USF3: variants seen among roughly 807,000 people sequenced by gnomAD.
The protein encoded by USF3 is upstream transcription factor family member 3, also known as basic helix-loop-helix domain-containing protein USF3.
In USF3, 29 loss-of-function variants were observed where a neutral mutation model predicts 157.5. That is an observed-to-expected ratio of 0.18 (90% CI 0.14 to 0.25). The LOEUF (loss-of-function observed/expected upper bound fraction) is 0.25, where lower values mean the gene tolerates loss of function less well. USF3 is among the 10% of genes least tolerant of loss of function. The pLI is 1.00. For synonymous variants in USF3, 893 were observed against 941.4 expected, an observed-to-expected ratio of 0.95 and a Z score of 0.94; for missense variants, 2,381 against 2,667.6, an observed-to-expected ratio of 0.89 and a Z score of 2.37.
intron 1 of USF3, among the ~76,000 whole-genome samples, chr3:113,687,295 G>A (rs1707579986): frequency 6.7e-6 from 1 of 148,888 alleles, no homozygotes; most frequent in Non-Finnish European, 1.5e-5. Flanking sequence ...TTACTTTTTG[G>A]TACTACAAGA....
rs760704482 is a variant in USF3, at chr3:113,660,045, G to T, written c.1637C>A (p.Ala546Asp). The T allele has an allele frequency of 6.2e-7, 1 of 1,614,146 alleles. No homozygotes were observed. Reference sequence around the variant, plus strand: ...AATTATAACATTTTGATTAGTTGGAGCTGAATTAACAGCTGACCCAACTGG... The same window carrying T: ...AATTATAACATTTTGATTAGTTGGATCTGAATTAACAGCTGACCCAACTGG... ...AQPVGSAVNS[A>D]PTNQNVIILQ... The change falls in exon 7 of 7, where the codon GCT (alanine) becomes GAT (aspartate). Residue 546 changes from alanine (A) to aspartate (D), a missense_variant. Ala to Asp is a moderately radical substitution (Grantham distance 126). Coordinates refer to ENST00000316407, the MANE Select transcript of USF3 (RefSeq NM_001009899.4).
In USF3 at chr3:113,659,237, A is replaced by G. The variant is rs756794311; in HGVS notation, c.2445T>C (p.Asn815=). The G allele has an allele frequency of 1.2e-6, 2 of 1,614,144 alleles. No individual in the cohort carries two copies. The highest frequency in any genetic ancestry group is 4.5e-5 in the East Asian group (2 of 44,882). The change falls in exon 7 of 7, where the codon AAT becomes AAC. Residue 815 remains asparagine (N), a synonymous_variant. Transcript: ENST00000316407. ...CTAACTTGCTCACATCTCTGACTGAATTCAGGGGACACGCTGACTTGTTTG... is the reference window on the plus strand; with the variant it reads ...CTAACTTGCTCACATCTCTGACTGAGTTCAGGGGACACGCTGACTTGTTTG... ...LAANKSACPL[N]SVRDVSKLDC... is the part of the protein sequence containing the mutation.
chr3:113,686,916 T>C (rs1707562362), intron 1 of USF3, among the ~76,000 whole-genome samples: 1 of 152,228 alleles, frequency 6.6e-6, no homozygotes, highest in Admixed American at 6.5e-5. Context: ...ATTTCTATAT[T>C]ACTATTTTCC....
At position 113,656,851 on chromosome 3, in the gene USF3, G is replaced by C; in HGVS notation, c.4831C>G (p.Gln1611Glu). ...TCAGATGAAACCCCTGAACCTTGCT[G>C]TCTGCTTCCAACATCCTGCTGTTGG... ...MHQQQDVGSR[Q>E]QGSGVSSEHV... is the part of the protein sequence containing the mutation. The change falls in exon 7 of 7, where the codon CAG (glutamine) becomes GAG (glutamate). Residue 1611 changes from glutamine (Q) to glutamate (E), a missense_variant. By Grantham distance (29) the Gln-to-Glu change is conservative. Around this residue, in one of 6 missense-constraint regions of USF3, gnomAD observed 770 missense variants for 824.2 expected, o/e 0.93. Transcript: ENST00000316407. The C allele has an allele frequency of 6.2e-7, 1 of 1,614,234 alleles. No homozygotes were observed. Among genetic ancestry groups the C allele is most frequent in the Non-Finnish European group, 8.5e-7 (1 of 1,180,030 alleles).
chr3:113,674,196 G>A (rs575156349), intron 3 of USF3, among the ~76,000 whole-genome samples: 31 of 152,222 alleles, frequency 2.0e-4, no homozygotes, highest in Non-Finnish European at 4.0e-4. Context: ...ACTGACTAGA[G>A]CCTAAATCAA....
chr3:113,658,330 T>C lies in USF3; in HGVS notation c.3352A>G (p.Thr1118Ala), dbSNP rs1442493522. The C allele has an allele frequency of 1.2e-6, 2 of 1,614,236 alleles. No homozygotes were observed. Among genetic ancestry groups the C allele is most frequent in the Non-Finnish European group, 1.7e-6 (2 of 1,180,034 alleles). ...AAGGTACAGCTGTCACATGTATTAGTTGTTGCATTGCTGGTCACATCTTCT... is the reference window on the plus strand; with the variant it reads ...AAGGTACAGCTGTCACATGTATTAGCTGTTGCATTGCTGGTCACATCTTCT... The part of the protein sequence containing the change: ...TREDVTSNAT[T>A]NTCDSCTFVE... Residue 1118 changes from threonine (T) to alanine (A), a missense_variant, in exon 7 of 7, where the codon ACT becomes GCT. Coordinates refer to ENST00000316407, the MANE Select transcript of USF3 (RefSeq NM_001009899.4).
chr3:113,677,836 A>G (rs1207130141), intron 1 of USF3, among the ~76,000 whole-genome samples: 6 of 152,142 alleles, frequency 3.9e-5, no homozygotes, highest in Non-Finnish European at 8.8e-5. Flanking sequence ...CCTTCCCCTA[A>G]GGCACTAGGA....
Position 113,659,885 on chromosome 3 carries a change from A to C in USF3, c.1797T>G (p.Pro599=), listed in dbSNP as rs1163999518. Residue 599 remains proline (P), a synonymous_variant, in exon 7 of 7, where the codon CCT becomes CCG. Transcript: ENST00000316407. The part of the protein sequence containing the change: ...NPLPLLPAPP[P]GSVRLPINGA... The stretch of plus-strand genomic sequence containing the variant: ...CATTGATGGGGAGTCGAACAGAACC[A>C]GGAGGTGGAGCAGGGAGGAGTGGCA... The C allele has an allele frequency of 6.2e-7, 1 of 1,614,096 alleles. No homozygotes were observed. The highest frequency in any genetic ancestry group is 8.5e-7 in the Non-Finnish European group (1 of 1,180,048).
At chr3:113,663,403 A>C (rs954973700) in intron 6 of USF3, among the ~76,000 whole-genome samples, 1 of 152,148 alleles carries the variant, frequency 6.6e-6, no homozygotes, top group Non-Finnish European at 1.5e-5. Flanking sequence ...TCATTTATCT[A>C]TCTGACGGCA....
chr3:113,688,562 T>C (rs1414229669), intron 1 of USF3, among the ~76,000 whole-genome samples: 1 of 152,210 alleles, frequency 6.6e-6, no homozygotes, highest in Non-Finnish European at 1.5e-5. Flanking sequence ...GGATGTAGTG[T>C]TCTTGAGGGC....
In USF3 at chr3:113,660,906, A is replaced by T; in HGVS notation, c.776T>A (p.Val259Asp). The T allele has an allele frequency of 6.2e-7, 1 of 1,614,188 alleles. No individual in the cohort carries two copies. Among genetic ancestry groups the T allele is most frequent in the Non-Finnish European group, 8.5e-7 (1 of 1,180,032 alleles). ...LGATSGSLIA[V>D]SIESEPHQHH... Reference sequence around the variant, plus strand: ...TTGGTGAGGCTCAGATTCAATTGAAACAGCAATCAGTGAGCCACTAGTGGC... The same window carrying T: ...TTGGTGAGGCTCAGATTCAATTGAATCAGCAATCAGTGAGCCACTAGTGGC... Residue 259 changes from valine to aspartate, a missense_variant, in exon 7 of 7, where the codon GTT becomes GAT. Coordinates refer to ENST00000316407, the MANE Select transcript of USF3 (RefSeq NM_001009899.4).
chr3:113,660,617 A>C lies in USF3; in HGVS notation c.1065T>G (p.Ser355=). Residue 355 remains serine (S), a synonymous_variant, in exon 7 of 7, where the codon TCT becomes TCG. Transcript: ENST00000316407. ...CTGCACTCTTACTAATGCTCATTGG[A>C]GAAGAATCACCTGCAGTTCTGGGAG... ...SQPPRTAGDS[S]PMSISKSADL... The C allele has an allele frequency of 6.2e-7, 1 of 1,614,164 alleles. No individual in the cohort carries two copies. Among genetic ancestry groups the C allele is most frequent in the Non-Finnish European group, 8.5e-7 (1 of 1,180,010 alleles).
At chr3:113,688,312 G>C (rs1480630424) in intron 1 of USF3, among the ~76,000 whole-genome samples, 1 of 152,134 alleles carries the variant, frequency 6.6e-6, no homozygotes, top group Non-Finnish European at 1.5e-5. Context: ...TAGAGATGGG[G>C]TTTCCCCATG....
At position 113,660,064 on chromosome 3, in the gene USF3, C is replaced by A. The variant is rs1947453160; in HGVS notation, c.1618G>T (p.Gly540Trp). 6.2e-7 allele frequency: 1 copy of A among 1,614,042 alleles called. No homozygotes were observed. Among genetic ancestry groups the A allele is most frequent in the South Asian group, 1.1e-5 (1 of 91,084 alleles). ...GTTGGAGCTGAATTAACAGCTGACCCAACTGGCTGAGCCATCTGAATCACT... is the reference window on the plus strand; with the variant it reads ...GTTGGAGCTGAATTAACAGCTGACCAAACTGGCTGAGCCATCTGAATCACT... ...MQVIQMAQPV[G>W]SAVNSAPTNQ... is the part of the protein sequence containing the mutation. The change falls in exon 7 of 7, where the codon GGG (glycine) becomes TGG (tryptophan). Residue 540 changes from glycine to tryptophan, a missense_variant. This residue lies in a region of USF3 where 1,435 missense variants were observed against 1,550.9 expected (regional missense o/e 0.93). Coordinates refer to ENST00000316407, the MANE Select transcript of USF3 (RefSeq NM_001009899.4).
chr3:113,674,990 C>T, intron 2 of USF3, 94 bp from the exon 3 acceptor site: 1 of 759,956 alleles, frequency 1.3e-6, no homozygotes, highest in South Asian at 1.5e-5. Flanking sequence ...TATTAAAATG[C>T]TAAAAAATAA....
Position 113,649,955 on chromosome 3 carries a change from G to C in USF3, c.*4989C>G, listed in dbSNP as rs1056769188. The stretch of plus-strand genomic sequence containing the variant: ...AAAATGGTAATGTTCAGCCAAAAAG[G>C]CATCTTGAGAAGAAACTAACTTCTG... On this transcript the variant is annotated 3_prime_UTR_variant, in exon 7 of 7. Coordinates refer to ENST00000316407, the MANE Select transcript of USF3 (RefSeq NM_001009899.4). 4.5e-6 allele frequency: 3 copies of C among 668,982 alleles called. No individual in the cohort carries two copies. The highest frequency in any genetic ancestry group is 4.7e-5 in the Admixed American group (2 of 42,852). 41.4% of individuals were successfully genotyped at this position (668,982 alleles called of 1,614,324 possible).
chr3:113,667,353 T>A (rs1228217446), intron 5 of USF3, among the ~76,000 whole-genome samples: 1 of 152,198 alleles, frequency 6.6e-6, no homozygotes, highest in Non-Finnish European at 1.5e-5. Flanking sequence ...CCTTTGCACA[T>A]TCTAGAACAC....
At chr3:113,688,114 C>G (rs1006805664) in intron 1 of USF3, among the ~76,000 whole-genome samples, 4 of 152,054 alleles carry the variant, frequency 2.6e-5, no homozygotes, top group Non-Finnish European at 5.9e-5. Flanking sequence ...AGGGAAGGCC[C>G]CCACTTTCTT....
intron 2 of USF3, among the ~76,000 whole-genome samples, 194 bp from the exon 3 acceptor site, chr3:113,675,090 A>G (rs1227219253): frequency 6.6e-6 from 1 of 152,246 alleles, no homozygotes; most frequent in African/African-American, 2.4e-5. Flanking sequence ...GCAAATGTAG[A>G]AAATGGTGAA....
Sources: allele counts gnomAD v4.1 joint callset (sites outside exome capture counted in the v4.1 genomes callset), GRCh38; gene constraint gnomAD v4.1.1; regional missense constraint gnomAD v4.1.1; transcripts MANE v1.5; gene names NCBI Gene and HGNC (gene_info 2026-07-23, HGNC 2026-07-21).